ARAP2: variants seen among roughly 807,000 people sequenced by gnomAD.
ARAP2 encodes arf-GAP with Rho-GAP domain, ANK repeat and PH domain-containing protein 2.
ARAP2 carries 148 observed loss-of-function variants against 194.5 expected under a neutral mutation model. The ratio of observed to expected loss-of-function variants is 0.76; its 90% CI spans 0.67 to 0.87. The LOEUF is 0.87. ARAP2 is among the 40% of genes least tolerant of loss of function. The pLI is 0.00. For synonymous variants in ARAP2, 695 were observed against 683.5 expected (o/e 1.02, Z -0.26); for missense variants, 2,128 against 1,989.7 (o/e 1.07, Z -1.32).
At chr4:36,099,170 C>T (rs1716165867) in intron 27 of ARAP2, among the ~76,000 whole-genome samples, 4 of 152,048 alleles carry the variant, frequency 2.6e-5, no homozygotes, top group East Asian at 1.9e-4. Context: ...TTTCTGTTCC[C>T]GTGTTAGTTT....
chr4:36,098,832 A>G (rs1716047046), intron 27 of ARAP2, among the ~76,000 whole-genome samples: 1 of 152,082 alleles, frequency 6.6e-6, no homozygotes, highest in Non-Finnish European at 1.5e-5. Flanking sequence ...CCAAGATGTA[A>G]TATCACCCTT....
chr4:36,020,756 T>G (rs1005765838), intron 5 of ARAP2, among the ~76,000 whole-genome samples: 6 of 152,204 alleles, frequency 3.9e-5, no homozygotes, highest in Non-Finnish European at 8.8e-5. Flanking sequence ...GGAAATTGGA[T>G]TTTTGAAAGT....
chr4:36,233,707 T>G (rs1751939117), intron 1 of ARAP2, among the ~76,000 whole-genome samples: 1 of 152,226 alleles, frequency 6.6e-6, no homozygotes, highest in South Asian at 2.1e-4. Flanking sequence ...GAGGATTAAA[T>G]GAGATAATCC....
intron 14 of ARAP2, 138 bp from the exon 15 acceptor site, chr4:36,159,002 T>C: frequency 1.2e-6 from 1 of 867,380 alleles, no homozygotes; most frequent in Non-Finnish European, 1.6e-6. Context: ...GAGATACTTA[T>C]TTTACTTTGC....
chr4:36,200,886 A>G (rs934239230), intron 6 of ARAP2, among the ~76,000 whole-genome samples: 13 of 152,342 alleles, frequency 8.5e-5, no homozygotes, highest in Non-Finnish European at 1.3e-4. Flanking sequence ...TTAAATTTCA[A>G]TTACTAGCTT....
At chr4:36,221,769 C>T (rs1218906033) in intron 2 of ARAP2, among the ~76,000 whole-genome samples, 1 of 152,120 alleles carries the variant, frequency 6.6e-6, no homozygotes, top group East Asian at 1.9e-4. Flanking sequence ...TGAGTAGCAA[C>T]TTACATTTTC....
rs71201004 is a variant in ARAP2 at position 36,182,495 on chromosome 4, C to CTAAATAAATAAATAAA, written c.1679-4506_1679-4491dup. Reference sequence around the variant, plus strand: ...TGTGTGACAGAGCGAGACTCCATCTCTAAATAAATAAATAAATAAATAAAT... The same window carrying CTAAATAAATAAATAAA: ...TGTGTGACAGAGCGAGACTCCATCTCTAAATAAATAAATAAATAAATAAATAAATAAATAAATAAAT... On this transcript the variant is annotated intron_variant, in intron 8 of 32. Transcript: ENST00000303965. Among the ~76,000 whole-genome samples, 134 of 140,776 alleles carry CTAAATAAATAAATAAA rather than the reference C, an allele frequency of 9.5e-4. 1 individual carries two copies. Among genetic ancestry groups the CTAAATAAATAAATAAA allele is most frequent in the Middle Eastern group, 3.5e-3 (1 of 284 alleles). The allele number at this position is 140,776 out of a possible 152,430, so 92.4% of individuals were successfully genotyped here.
At chr4:36,089,690 TGAACACTTTTG>T (rs1713011158) in intron 28 of ARAP2, among the ~76,000 whole-genome samples, 1 of 152,138 alleles carries the variant, frequency 6.6e-6, no homozygotes, top group Non-Finnish European at 1.5e-5. Flanking sequence ...TTAATGATAT[TGAACACTTTTG>T]AATCAATGGG....
At chr4:36,064,004 C>T (rs908296776), downstream of ARAP2, among the ~76,000 whole-genome samples, 2 of 152,044 alleles carry the variant, frequency 1.3e-5, no homozygotes, top group Admixed American at 6.5e-5. Context: ...AATATAGTTA[C>T]GTTCATAAGT....
chr4:36,031,679 T>C (rs1718980887), intron 5 of ARAP2, among the ~76,000 whole-genome samples: 1 of 151,590 alleles, frequency 6.6e-6, no homozygotes, highest in African/African-American at 2.4e-5. Context: ...TTTTTTTTTT[T>C]CTTTTTTGAG....
chr4:36,127,365 C>T (rs1724192657), intron 21 of ARAP2, among the ~76,000 whole-genome samples: 1 of 151,966 alleles, frequency 6.6e-6, no homozygotes, highest in African/African-American at 2.4e-5. Flanking sequence ...ATTTGAGAAA[C>T]ATTAGAAGGC....
Position 36,229,328 on chromosome 4 carries a change from A to C in ARAP2, c.159T>G (p.Pro53=). ...DSLLQKIGIS[P]TGHRRRILKQ... is the part of the protein sequence containing the mutation. ...TAAGTATCCTCCTACGGTGACCTGT[A>C]GGTGATATTCCAATTTTCTGCAGCA... The change falls in exon 2 of 33, where the codon CCT becomes CCG. Residue 53 remains proline, a synonymous_variant. Transcript: ENST00000303965. 4 of 1,614,112 alleles carry C rather than the reference A, an allele frequency of 2.5e-6. No individual in the cohort carries two copies. The highest frequency in any genetic ancestry group is 3.4e-6 in the Non-Finnish European group (4 of 1,179,992).
At chr4:36,099,967 T>C (rs1393362918) in intron 27 of ARAP2, among the ~76,000 whole-genome samples, 1 of 152,124 alleles carries the variant, frequency 6.6e-6, no homozygotes, top group African/African-American at 2.4e-5. Flanking sequence ...AAAAGTCTGA[T>C]GACTTATAGA....
intron 13 of ARAP2, 121 bp from the exon 14 acceptor site, chr4:36,159,626 C>T (rs1028341288): frequency 2.2e-5 from 19 of 881,834 alleles, no homozygotes; most frequent in African/African-American, 7.0e-5. Flanking sequence ...TATCCTAAGG[C>T]GGCTAATAAT....
Position 36,229,090 on chromosome 4 carries a change from T to C in ARAP2, c.397A>G (p.Ser133Gly). Reference sequence around the variant, plus strand: ...TGAGGATACTGGCTTCTTTCCACACTTGCATCACTGTCTTCAAGATTTTTT... The same window carrying C: ...TGAGGATACTGGCTTCTTTCCACACCTGCATCACTGTCTTCAAGATTTTTT... ...VRKNLEDSDA[S>G]VERSQYPQSD... Residue 133 changes from serine (S) to glycine (G), a missense_variant, in exon 2 of 33, where the codon AGT (serine) becomes GGT (glycine). Physicochemically the swap from Ser to Gly is moderately conservative, Grantham distance 56. Coordinates refer to ENST00000303965, the MANE Select transcript of ARAP2 (RefSeq NM_015230.4). The C allele has an allele frequency of 1.2e-6, 2 of 1,614,054 alleles. No homozygotes were observed. The highest frequency in any genetic ancestry group is 1.1e-5 in the South Asian group (1 of 91,076).
intron 5 of ARAP2, among the ~76,000 whole-genome samples, chr4:36,029,203 G>A (rs566916231): frequency 7.9e-5 from 12 of 151,888 alleles, no homozygotes; most frequent in Admixed American, 2.6e-4. Context: ...ATAGTGTGTC[G>A]AAGGCCAAAA....
intron 7 of ARAP2, among the ~76,000 whole-genome samples, chr4:36,192,193 T>C (rs957380192): frequency 1.7e-5 from 1 of 59,620 alleles, no homozygotes; most frequent in African/African-American, 5.8e-5. Flanking sequence ...TTTTTTTTTT[T>C]GCCAAAATGT....
chr4:36,201,009 C>T lies in ARAP2; in HGVS notation c.1488-7362G>A, dbSNP rs76183632. 3.7e-3 allele frequency among the ~76,000 whole-genome samples: 563 copies of T among 152,220 alleles called. 7 individuals are homozygous for T. Among genetic ancestry groups the T allele is most frequent in the African/African-American group, 0.013 (537 of 41,536 alleles). On this transcript the variant is annotated intron_variant, in intron 6 of 32. Transcript: ENST00000303965. ...ACAAATTAGATCTGAAATAATGATG[C>T]GTTATTACACAGAAAATAGATTTAA...
At chr4:36,240,142 CA>C (rs1052090210) in intron 1 of ARAP2, among the ~76,000 whole-genome samples, 4 of 151,896 alleles carry the variant, frequency 2.6e-5, no homozygotes, top group Admixed American at 2.0e-4. Context: ...TAGAATTAAA[CA>C]AGTAAAAATT....
Sources: gnomAD v4.1 joint callset for allele counts (sites outside exome capture counted in the v4.1 genomes callset) on GRCh38, gnomAD v4.1.1 for gene constraint, MANE v1.5 for transcripts, NCBI Gene and HGNC (gene_info 2026-07-23, HGNC 2026-07-21) for gene names.